The following CDHR3 variants were observed in gnomAD, a reference collection of about 807,000 sequenced individuals.
CDHR3 encodes cadherin related family member 3.
CDHR3 carries 79 observed loss-of-function variants against 86.6 expected under a neutral mutation model. The observed-to-expected ratio is 0.91, with a 90% CI of 0.76 to 1.10. The LOEUF (loss-of-function observed/expected upper bound fraction) is 1.10. Ranked by LOEUF, CDHR3 falls within the 50% of genes least tolerant of loss-of-function variation. The probability of loss-of-function intolerance (pLI) is 0.00; values close to 1 mark genes in which losing one functional copy is unlikely to be tolerated. For synonymous variants in CDHR3, 421 were observed against 402.4 expected, an observed-to-expected ratio of 1.05 and a Z score of -0.55; for missense variants, 1,081 against 1,077.6, an observed-to-expected ratio of 1.00 and a Z score of -0.04.
chr7:106,022,677 G>T (rs1585828075), intron 14 of CDHR3, among the ~76,000 whole-genome samples: 1 of 152,196 alleles, frequency 6.6e-6, no homozygotes, highest in Admixed American at 6.5e-5. Flanking sequence ...TCCTGTTCTG[G>T]TAGAGAAGAG....
At chr7:105,988,135 T>A (rs915025424) in intron 4 of CDHR3, among the ~76,000 whole-genome samples, 24 of 152,210 alleles carry the variant, frequency 1.6e-4, no homozygotes, top group Non-Finnish European at 2.9e-4. Context: ...GCCATCCACC[T>A]GCCTTGGCCT....
intron 12 of CDHR3, 114 bp downstream of exon 12, chr7:106,018,186 C>T (rs751637634): frequency 9.6e-5 from 72 of 751,416 alleles, no homozygotes; most frequent in East Asian, 1.3e-4. Context: ...GTACATCCTG[C>T]GGATGTGGTG....
chr7:105,981,016 A>G lies in CDHR3; in HGVS notation c.298A>G (p.Ile100Val), dbSNP rs200892741. 4.7e-5 allele frequency: 75 copies of G among 1,611,542 alleles called. No individual in the cohort carries two copies. In the African/African-American group the frequency reaches 7.2e-4, roughly 15 times the overall value. Residue 100 changes from isoleucine to valine, a missense_variant, in exon 3 of 19, where the codon ATA becomes GTA. By Grantham distance (29) the Ile-to-Val change is conservative. Coordinates refer to ENST00000317716, the MANE Select transcript of CDHR3 (RefSeq NM_152750.5). Reference protein sequence around the residue: ...EQLDFETGPNIFDLQIYVKDE... With the variant: ...EQLDFETGPNVFDLQIYVKDE... Reference sequence around the variant, plus strand: ...ACTAGATTTTGAAACAGGACCAAACATATTTGATTTGCAGATTTATGTGAA... The same window carrying G: ...ACTAGATTTTGAAACAGGACCAAACGTATTTGATTTGCAGATTTATGTGAA...
rs1309373517 is a variant in CDHR3, at chr7:106,030,155, G to T, written c.2305-637G>T. On this transcript the variant is annotated intron_variant, in intron 17 of 18. Transcript: ENST00000317716. The surrounding 1 kb of genome is among the most constrained non-coding windows in gnomAD (Gnocchi z 4.8). ...TCTAGAGGGCAGCATGTGAGGGAAG[G>T]GGGTGTTTCTATGGGGACAAGGGAC... Among the ~76,000 whole-genome samples, 1 of 152,230 alleles carries T rather than the reference G, an allele frequency of 6.6e-6. No homozygotes were observed. The highest frequency in any genetic ancestry group is 1.5e-5 in the Non-Finnish European group (1 of 68,050).
At chr7:105,998,593 A>G (rs1266160891) in intron 6 of CDHR3, among the ~76,000 whole-genome samples, 1 of 152,096 alleles carries the variant, frequency 6.6e-6, no homozygotes, top group Non-Finnish European at 1.5e-5. Context: ...GGAGTTCGAG[A>G]CCAGCCTGAC....
rs1051102439 is a variant in CDHR3 at position 106,033,816 on chromosome 7, C to T, written c.*1119C>T. 3.3e-5 allele frequency: 5 copies of T among 152,178 alleles called. No homozygotes were observed. The highest frequency in any genetic ancestry group is 9.7e-5 in the African/African-American group (4 of 41,436). 9.4% of individuals were successfully genotyped at this position (152,178 alleles called of 1,614,324 possible). A position where few individuals can be genotyped will look rare whatever the true frequency, so the allele number is the denominator to read the frequency against. On this transcript the variant is annotated 3_prime_UTR_variant, in exon 19 of 19. Transcript: ENST00000317716. ...GTCTTTTGGTGAACATAAACACTCA[C>T]TTTTTTGCTCATATATCTAAGAGTG... is the stretch of plus-strand genomic sequence containing the variant.
At chr7:105,984,102 C>G (rs1449055691) in intron 3 of CDHR3, 90 bp from the exon 4 acceptor site, 2 of 638,280 alleles carry the variant, frequency 3.1e-6, no homozygotes, top group African/African-American at 1.8e-5. Flanking sequence ...ACCCTTGGTT[C>G]CCTTGGTTGT....
intron 15 of CDHR3, 73 bp downstream of exon 15, chr7:106,024,635 G>A (rs1837086512): frequency 8.4e-6 from 12 of 1,430,788 alleles, no homozygotes; most frequent in Admixed American, 4.3e-5. Flanking sequence ...TCAGGAGAAG[G>A]AAAAATGGAG....
chr7:105,989,135 T>G (rs1830960158), intron 4 of CDHR3, among the ~76,000 whole-genome samples: 1 of 152,126 alleles, frequency 6.6e-6, no homozygotes, highest in Non-Finnish European at 1.5e-5. Flanking sequence ...GAGGTATGCA[T>G]TAATAATGGG....
rs778167092 is a variant in CDHR3, at chr7:106,022,188, T to C, written c.1826-10T>C. 1.9e-6 allele frequency: 3 copies of C among 1,613,502 alleles called. No homozygotes were observed. Among genetic ancestry groups the C allele is most frequent in the African/African-American group, 1.3e-5 (1 of 74,906 alleles). On this transcript the variant is annotated splice_polypyrimidine_tract_variant and intron_variant, in intron 13 of 18. Coordinates refer to ENST00000317716, the MANE Select transcript of CDHR3 (RefSeq NM_152750.5). The stretch of plus-strand genomic sequence containing the variant: ...CTTTTACCAACACCCCTGCATCAAA[T>C]CTCATTTAGGTAACGTCAACAATCA...
At chr7:106,026,603 A>G (rs923939313) in intron 15 of CDHR3, 79 bp from the exon 16 acceptor site, 2 of 1,504,830 alleles carry the variant, frequency 1.3e-6, no homozygotes, top group African/African-American at 1.4e-5. Context: ...TAGTTGCCCA[A>G]AGAACCCCAT....
In CDHR3 at chr7:106,016,048, A is replaced by T. The variant is rs766774977; in HGVS notation, c.1426+23A>T. Reference sequence around the variant, plus strand: ...CCGGTAAGTAACAGATAAGACACAGACCAGAGTGCTGTCAATGGACTCCAT... The same window carrying T: ...CCGGTAAGTAACAGATAAGACACAGTCCAGAGTGCTGTCAATGGACTCCAT... On this transcript the variant is annotated intron_variant, in intron 11 of 18. Transcript: ENST00000317716. 19 of 1,506,454 alleles carry T rather than the reference A, an allele frequency of 1.3e-5. No individual in the cohort carries two copies. The Admixed American group carries it at 3.3e-4, about 26-fold the overall frequency. The allele number at this position is 1,506,454 out of a possible 1,614,324, so 93.3% of individuals were successfully genotyped here.
intron 16 of CDHR3, among the ~76,000 whole-genome samples, chr7:106,028,001 C>A (rs1837627734): frequency 6.6e-6 from 1 of 151,828 alleles, no homozygotes; most frequent in Admixed American, 6.6e-5. Context: ...GTAGTGTACG[C>A]CTGTAGTCTT....
At chr7:105,968,660 G>A (rs900027591) in intron 1 of CDHR3, among the ~76,000 whole-genome samples, 3 of 152,068 alleles carry the variant, frequency 2.0e-5, no homozygotes, top group Admixed American at 6.5e-5. Context: ...GTGCCTGGCC[G>A]AGCATATGCA....
chr7:106,000,180 T>C (rs1325661706), intron 6 of CDHR3, among the ~76,000 whole-genome samples: 2 of 152,240 alleles, frequency 1.3e-5, no homozygotes, highest in Admixed American at 1.3e-4. Flanking sequence ...AAAGGATGAA[T>C]GGGCCTGTTT....
chr7:106,030,385 CCTGACAGCAATTCA>C lies in CDHR3; in HGVS notation c.2305-400_2305-387del, dbSNP rs1373032248. Among the ~76,000 whole-genome samples, 3 of 152,192 alleles carry C rather than the reference CCTGACAGCAATTCA, an allele frequency of 2.0e-5. No homozygotes were observed. The highest frequency in any genetic ancestry group is 4.8e-5 in the African/African-American group (2 of 41,440). ...CTCACCTGTGTCCACCTTGACAATGCCTGACAGCAATTCACTGACACAACGTAGGTCTTAGCCAT... is the reference window on the plus strand; with the variant it reads ...CTCACCTGTGTCCACCTTGACAATGCCTGACACAACGTAGGTCTTAGCCAT... On this transcript the variant is annotated intron_variant, in intron 17 of 18. Transcript: ENST00000317716. This position sits in a 1 kb window ranked among gnomAD's most constrained non-coding sequence, Gnocchi z 4.8.
intron 3 of CDHR3, among the ~76,000 whole-genome samples, chr7:105,983,573 G>A (rs540007578): frequency 7.2e-5 from 11 of 152,260 alleles, no homozygotes; most frequent in African/African-American, 2.6e-4. Context: ...AAATGCCCGA[G>A]TGAGAGCTCT....
At chr7:105,988,409 A>T (rs1049995367) in intron 4 of CDHR3, among the ~76,000 whole-genome samples, 2 of 152,226 alleles carry the variant, frequency 1.3e-5, no homozygotes, top group African/African-American at 4.8e-5. Context: ...ACATGCCTGA[A>T]GCGACCTAGG....
chr7:105,979,974 C>G (rs991097697), intron 2 of CDHR3, among the ~76,000 whole-genome samples: 31 of 152,134 alleles, frequency 2.0e-4, no homozygotes, highest in African/African-American at 7.0e-4. Context: ...GCCAGAGTTC[C>G]TGCTGGCAAT....
Sources: allele counts gnomAD v4.1 joint callset (sites outside exome capture counted in the v4.1 genomes callset), GRCh38; gene constraint gnomAD v4.1.1; non-coding constraint Gnocchi (gnomAD v3.1); transcripts MANE v1.5; gene names NCBI Gene and HGNC (gene_info 2026-07-23, HGNC 2026-07-21).